The following PTCH2 variants were observed in gnomAD, a reference collection of about 807,000 sequenced individuals.
PTCH2 encodes the protein patched 2, also known as protein patched homolog 2.
PTCH2 carries 96 observed loss-of-function variants against 117.9 expected under a neutral mutation model. The ratio of observed to expected loss-of-function variants is 0.81; its 90% CI spans 0.69 to 0.96. The LOEUF (loss-of-function observed/expected upper bound fraction) is 0.96. Ranked by LOEUF, PTCH2 falls within the 50% of genes least tolerant of loss-of-function variation. PTCH2 has a pLI of 0.00. For synonymous variants in PTCH2, 615 were observed against 660.9 expected, an observed-to-expected ratio of 0.93 and a Z score of 1.06; for missense variants, 1,379 against 1,562.5, an observed-to-expected ratio of 0.88 and a Z score of 1.98.
chr1:44,833,829 G>A (rs1158983506), intron 2 of PTCH2, among the ~76,000 whole-genome samples: 1 of 151,704 alleles, frequency 6.6e-6, no homozygotes, highest in African/African-American at 2.4e-5. Flanking sequence ...ACAGGAGTGA[G>A]CCACCGCACC....
At chr1:44,820,253 C>T (rs1489882090), downstream of PTCH2, 2 of 407,384 alleles carry the variant, frequency 4.9e-6, no homozygotes, top group Non-Finnish European at 1.0e-5. Flanking sequence ...CCGGGGAAGC[C>T]ATGGGTCACT....
Position 44,826,764 on chromosome 1 carries a change from C to T in PTCH2, c.2700G>A (p.Pro900=), listed in dbSNP as rs200437527. 2.6e-5 allele frequency: 42 copies of T among 1,595,528 alleles called. No homozygotes were observed. The Admixed American group carries it at 4.1e-4, about 16-fold the overall frequency. ...GGGCAAACTCCAAGGGCTGAGCTGG[C>T]GGGACTGTGGAGGGGAGGGGAAGGG... ...YDTTGENLRI[P]PAQPLEFAQF... Residue 900 remains proline, a synonymous_variant, in exon 18 of 22, where the codon CCG becomes CCA. Transcript: ENST00000372192. The surrounding 1 kb of genome is among the most constrained non-coding windows in gnomAD (Gnocchi z 5.1).
Position 44,827,003 on chromosome 1 carries a change from C to G in PTCH2, c.2594G>C (p.Ser865Thr), listed in dbSNP as rs2148874724. Residue 865 changes from serine to threonine, a missense_variant, in exon 17 of 22, where the codon AGC becomes ACC. Physicochemically the swap from Ser to Thr is moderately conservative, Grantham distance 58. Coordinates refer to ENST00000372192, the MANE Select transcript of PTCH2 (RefSeq NM_003738.5). The part of the protein sequence containing the change: ...LFYMGLTVWV[S>T]SDPLGLAASQ... The stretch of plus-strand genomic sequence containing the variant: ...GGCTGCCAGACCCAGGGGGTCACTG[C>G]TCACCCACACGGTCAGCCCCATGTA... 1 of 1,614,112 alleles carries G rather than the reference C, an allele frequency of 6.2e-7. No individual in the cohort carries two copies. Among genetic ancestry groups the G allele is most frequent in the African/African-American group, 1.3e-5 (1 of 75,050 alleles).
At chr1:44,825,779 G>A (rs1653115652) in intron 19 of PTCH2, among the ~76,000 whole-genome samples, 1 of 151,414 alleles carries the variant, frequency 6.6e-6, no homozygotes, top group Non-Finnish European at 1.5e-5. Context: ...CGCCTGCCTT[G>A]GCCTCCCAAA....
intron 2 of PTCH2, among the ~76,000 whole-genome samples, chr1:44,835,249 G>T (rs1573656637): frequency 1.3e-5 from 2 of 152,084 alleles, no homozygotes; most frequent in African/African-American, 4.8e-5. Context: ...TAGAGACAGG[G>T]TCTCCCTATG....
chr1:44,822,999 C>T, intron 21 of PTCH2, 70 bp downstream of exon 21: 1 of 1,523,372 alleles, frequency 6.6e-7, no homozygotes, highest in Middle Eastern at 2.2e-4. Context: ...GGGCTCTGTC[C>T]CTTCCCTTGC....
At chr1:44,819,861 A>G (rs1030796252), downstream of PTCH2, 4 of 152,860 alleles carry the variant, frequency 2.6e-5, no homozygotes, top group Admixed American at 6.5e-5. Flanking sequence ...GTAGTTGCCT[A>G]ACTTTTAATA....
In PTCH2 at chr1:44,826,792, A is replaced by C. The variant is rs769258052; in HGVS notation, c.2696-24T>G. ...GACTGTGGAGGGGAGGGGAAGGGAG[A>C]AGAGGGAGAGGGACAGGGCGGTGAG... On this transcript the variant is annotated intron_variant, in intron 17 of 21. Transcript: ENST00000372192. This position sits in a 1 kb window ranked among gnomAD's most constrained non-coding sequence, Gnocchi z 5.1. 6.2e-7 allele frequency: 1 copy of C among 1,602,066 alleles called. No homozygotes were observed. The highest frequency in any genetic ancestry group is 8.5e-7 in the Non-Finnish European group (1 of 1,172,346).
In PTCH2 at chr1:44,831,002, T is replaced by C; in HGVS notation, c.659A>G (p.Gln220Arg). 6.2e-7 allele frequency: 1 copy of C among 1,612,290 alleles called. No homozygotes were observed. Among genetic ancestry groups the C allele is most frequent in the Non-Finnish European group, 8.5e-7 (1 of 1,179,444 alleles). ...AAAGGGACCCAGCTCCTCCAGCAGC[T>C]GCTCTGGATCCAGGTTGGTCCACTG... ...DIQWTNLDPEQLLEELGPFAS... is the reference protein window; with the variant it reads ...DIQWTNLDPERLLEELGPFAS... The change falls in exon 6 of 22, where the codon CAG (glutamine) becomes CGG (arginine). Residue 220 changes from glutamine to arginine, a missense_variant. By Grantham distance (43) the Gln-to-Arg change is conservative. Coordinates refer to ENST00000372192, the MANE Select transcript of PTCH2 (RefSeq NM_003738.5). The surrounding 1 kb of genome is among the most constrained non-coding windows in gnomAD (Gnocchi z 4.3).
At chr1:44,836,300 A>AT (rs537445206) in intron 2 of PTCH2, among the ~76,000 whole-genome samples, 4 of 152,324 alleles carry the variant, frequency 2.6e-5, no homozygotes, top group South Asian at 2.1e-4. Context: ...CTACTAATAC[A>AT]TTTTTCCTCA....
At chr1:44,832,123 C>G in intron 3 of PTCH2, 29 bp downstream of exon 3, 1 of 1,613,950 alleles carries the variant, frequency 6.2e-7, no homozygotes, top group Non-Finnish European at 8.5e-7. Flanking sequence ...GCCTCGCCCC[C>G]AGCTGCTCAG....
In PTCH2 at chr1:44,827,498, G is replaced by T. The variant is rs2148875383; in HGVS notation, c.2275C>A (p.Leu759Met). 1 of 1,614,042 alleles carries T rather than the reference G, an allele frequency of 6.2e-7. No individual in the cohort carries two copies. Among genetic ancestry groups the T allele is most frequent in the Non-Finnish European group, 8.5e-7 (1 of 1,179,940 alleles). The change falls in exon 15 of 22, where the codon CTG becomes ATG. Residue 759 changes from leucine to methionine, a missense_variant. By Grantham distance (15) the Leu-to-Met change is conservative. Transcript: ENST00000372192. The stretch of plus-strand genomic sequence containing the variant: ...TTGAGGGAACTGAAGCGCTGGTGCA[G>T]ATCAAAGAGGGCGCGTTGGGAGTGG... Reference protein sequence around the residue: ...YAHSQRALFDLHQRFSSLKAV... With the variant: ...YAHSQRALFDMHQRFSSLKAV...
Position 44,828,384 on chromosome 1 carries a change from C to G in PTCH2, c.1621G>C (p.Ala541Pro). Residue 541 changes from alanine to proline, a missense_variant, in exon 13 of 22, where the codon GCC becomes CCC. Ala to Pro is a conservative substitution (Grantham distance 27). Coordinates refer to ENST00000372192, the MANE Select transcript of PTCH2 (RefSeq NM_003738.5). The part of the protein sequence containing the change: ...AAIVVGCTFV[A>P]VMLVFPAILS... ...ATGGCTGGGAAGACAAGCATCACGG[C>G]TACAAAGGTGCAGCCAACCACTATG... is the stretch of plus-strand genomic sequence containing the variant. The G allele has an allele frequency of 6.2e-7, 1 of 1,614,174 alleles. No homozygotes were observed. Among genetic ancestry groups the G allele is most frequent in the South Asian group, 1.1e-5 (1 of 91,090 alleles).
intron 2 of PTCH2, among the ~76,000 whole-genome samples, chr1:44,834,901 G>C (rs11211042): frequency 0.21 from 31,968 of 152,112 alleles, 3,741 homozygotes; most frequent in African/African-American, 0.32. Context: ...AAAGTACTTA[G>C]GAAATTGCAT....
chr1:44,828,592 C>A lies in PTCH2; in HGVS notation c.1504G>T (p.Val502Phe), dbSNP rs754776114. 3.1e-6 allele frequency: 5 copies of A among 1,613,708 alleles called. No homozygotes were observed. The African/African-American group carries it at 6.7e-5, about 22-fold the overall frequency. Residue 502 changes from valine to phenylalanine, a missense_variant, in exon 12 of 22, where the codon GTC (valine) becomes TTC (phenylalanine). Coordinates refer to ENST00000372192, the MANE Select transcript of PTCH2 (RefSeq NM_003738.5). ...ATGTTGTTGATGGATGTGAGTACGA[C>A]ACTGGTGCCCGTGCGCTGCAGACAC... The part of the protein sequence containing the change: ...GECLQRTGTS[V>F]VLTSINNMAA...
downstream of PTCH2, chr1:44,821,786 A>G (rs1652922967): frequency 7.5e-7 from 1 of 1,332,196 alleles, no homozygotes; most frequent in Non-Finnish European, 9.9e-7. Context: ...TACCAAGTAT[A>G]TGACAAAAAT....
rs775263591 is a variant in PTCH2 at position 44,841,988 on chromosome 1, C to A, written c.124G>T (p.Gly42Cys). ...CCGCATCCCAGAGAGAAGAGCAGGC[C>A]CTGGAAGTAAGCACGAAGCCAGAGT... is the stretch of plus-strand genomic sequence containing the variant. ...APLWLRAYFQGLLFSLGCGIQ... is the reference protein window; with the variant it reads ...APLWLRAYFQCLLFSLGCGIQ... Residue 42 changes from glycine to cysteine, a missense_variant, in exon 2 of 22, where the codon GGC becomes TGC. Gly to Cys is a radical substitution (Grantham distance 159). Coordinates refer to ENST00000372192, the MANE Select transcript of PTCH2 (RefSeq NM_003738.5). The A allele has an allele frequency of 1.1e-5, 18 of 1,614,028 alleles. No homozygotes were observed. Among genetic ancestry groups the A allele is most frequent in the Non-Finnish European group, 1.4e-5 (16 of 1,180,012 alleles).
In PTCH2 at chr1:44,843,138, C is replaced by A. The variant is rs941995526; in HGVS notation, c.-206G>T. The stretch of plus-strand genomic sequence containing the variant: ...GGAGCTGCGGGTCCGGGGCGCGGCG[C>A]CGGGATTCACCCGCTCCGTGGGCCG... On this transcript the variant is annotated 5_prime_UTR_variant, in exon 1 of 22. Coordinates refer to ENST00000372192, the MANE Select transcript of PTCH2 (RefSeq NM_003738.5). 9 of 1,305,528 alleles carry A rather than the reference C, an allele frequency of 6.9e-6. No homozygotes were observed. The African/African-American group carries it at 9.3e-5, about 13-fold the overall frequency. 80.9% of individuals were successfully genotyped at this position (1,305,528 alleles called of 1,614,324 possible).
intron 2 of PTCH2, among the ~76,000 whole-genome samples, chr1:44,839,132 T>C (rs1409714255): frequency 1.3e-5 from 2 of 151,872 alleles, no homozygotes; most frequent in Non-Finnish European, 2.9e-5. Flanking sequence ...CCCAGCACTT[T>C]GGGAGGCCAA....
Sources: gnomAD v4.1 joint callset for allele counts (sites outside exome capture counted in the v4.1 genomes callset) on GRCh38, gnomAD v4.1.1 for gene constraint, Gnocchi (gnomAD v3.1) non-coding constraint, MANE v1.5 for transcripts, NCBI Gene and HGNC (gene_info 2026-07-23, HGNC 2026-07-21) for gene names.